The following CRIM1 variants were observed in gnomAD, a reference collection of about 807,000 sequenced individuals.
The protein encoded by CRIM1 is cysteine rich transmembrane BMP regulator 1.
In CRIM1, 32 loss-of-function variants were observed where a neutral mutation model predicts 116.4. That is an observed-to-expected ratio of 0.27 (90% confidence interval 0.21 to 0.37). The LOEUF is 0.37. Ranked by LOEUF, CRIM1 falls within the 10% of genes least tolerant of loss-of-function variation. The pLI is 1.00. For synonymous variants in CRIM1, 590 were observed against 509.2 expected (o/e 1.16, Z -2.13); for missense variants, 1,331 against 1,354.8 (o/e 0.98, Z 0.28).
At chr2:36,475,000 G>A (rs1261686509) in intron 5 of CRIM1, among the ~76,000 whole-genome samples, 2 of 152,100 alleles carry the variant, frequency 1.3e-5, no homozygotes, top group Non-Finnish European at 2.9e-5. Flanking sequence ...GATTACTATA[G>A]CATTGTATTA....
At chr2:36,528,061 C>CAT (rs1572934911) in intron 13 of CRIM1, among the ~76,000 whole-genome samples, 2 of 152,028 alleles carry the variant, frequency 1.3e-5, no homozygotes, top group East Asian at 1.9e-4. Context: ...TATTAAATGA[C>CAT]ATAATGTACA....
chr2:36,484,502 C>T (rs1052531157), intron 7 of CRIM1, among the ~76,000 whole-genome samples: 4 of 152,048 alleles, frequency 2.6e-5, no homozygotes, highest in Admixed American at 1.3e-4. Flanking sequence ...ATAACATCCC[C>T]GTGATTACTC....
chr2:36,376,768 T>C (rs1430547087), intron 1 of CRIM1, among the ~76,000 whole-genome samples: 3 of 152,214 alleles, frequency 2.0e-5, no homozygotes, highest in Admixed American at 6.5e-5. Context: ...CCCTTTCTTT[T>C]GGTATTTGTA....
At chr2:36,379,605 G>T (rs904177756) in intron 1 of CRIM1, among the ~76,000 whole-genome samples, 1 of 152,152 alleles carries the variant, frequency 6.6e-6, no homozygotes, top group Non-Finnish European at 1.5e-5. Flanking sequence ...TGTACTTGGG[G>T]TCCAAACTCT....
At position 36,548,540 on chromosome 2, in the gene CRIM1, A is replaced by T; in HGVS notation, c.2950A>T (p.Asn984Tyr). 1 of 1,571,962 alleles carries T rather than the reference A, an allele frequency of 6.4e-7. No homozygotes were observed. The highest frequency in any genetic ancestry group is 8.6e-7 in the Non-Finnish European group (1 of 1,166,364). The change falls in exon 17 of 17, where the codon AAT becomes TAT. Residue 984 changes from asparagine to tyrosine, a missense_variant. This residue lies in a region of CRIM1 where 283 missense variants were observed against 242.8 expected (regional missense o/e 1.17). Transcript: ENST00000280527. ...RTPTKPSSLN[N>Y]QLVSVDCKKG... The stretch of plus-strand genomic sequence containing the variant: ...CATTAAATAGCCTTCTTCCTTAAAT[A>T]ATCAGCTAGTATCTGTGGACTGCAA...
chr2:36,538,914 G>A (rs1666748581), intron 14 of CRIM1, among the ~76,000 whole-genome samples: 2 of 152,190 alleles, frequency 1.3e-5, no homozygotes, highest in Non-Finnish European at 1.5e-5. Flanking sequence ...TGCTTTTAAT[G>A]ATATAAATGA....
rs1034618558 is a variant in CRIM1 at position 36,434,604 on chromosome 2, A to G, written c.506-6654A>G. ...TACAAAGGCGTGTGAGAATGAGTAG[A>G]GGCGTGCCCCACACGTAGGAGATGC... On this transcript the variant is annotated intron_variant, in intron 2 of 16. Transcript: ENST00000280527. Among the ~76,000 whole-genome samples the G allele has an allele frequency of 2.6e-5, 4 of 152,350 alleles. 1 individual carries two copies. The highest frequency in any genetic ancestry group is 2.6e-4 in the Admixed American group (4 of 15,306).
Position 36,547,007 on chromosome 2 carries a change from T to A in CRIM1, c.2770T>A (p.Tyr924Asn). 6.2e-7 allele frequency: 1 copy of A among 1,610,310 alleles called. No homozygotes were observed. Among genetic ancestry groups the A allele is most frequent in the Non-Finnish European group, 8.5e-7 (1 of 1,177,634 alleles). Residue 924 changes from tyrosine (Y) to asparagine (N), a missense_variant, in exon 16 of 17, where the codon TAC (tyrosine) becomes AAC (asparagine). Tyr to Asn is a moderately radical substitution (Grantham distance 143). This residue lies in a region of CRIM1 where 283 missense variants were observed against 242.8 expected (regional missense o/e 1.17). Coordinates refer to ENST00000280527, the MANE Select transcript of CRIM1 (RefSeq NM_016441.3). ...PRDMGHLQVDYRDNRLHPSED... is the reference protein window; with the variant it reads ...PRDMGHLQVDNRDNRLHPSED... ...AGATATGGGTCACCTCCAGGTAGAT[T>A]ACAGAGATAACAGGCTGCACCCAAG...
intron 12 of CRIM1, among the ~76,000 whole-genome samples, chr2:36,521,877 T>G (rs567805948): frequency 2.6e-5 from 4 of 152,350 alleles, no homozygotes; most frequent in African/African-American, 9.6e-5. Flanking sequence ...TATAAACAAC[T>G]AACAGAATAA....
intron 2 of CRIM1, among the ~76,000 whole-genome samples, chr2:36,402,770 T>C (rs906475450): frequency 6.0e-5 from 9 of 150,922 alleles, no homozygotes; most frequent in African/African-American, 1.5e-4. Context: ...GTTGTTAATA[T>C]GGATGTTGAG....
chr2:36,400,570 G>A lies in CRIM1; in HGVS notation c.505+3783G>A, dbSNP rs143038375. On this transcript the variant is annotated intron_variant, in intron 2 of 16. Transcript: ENST00000280527. ...GAAAAGGAAGAATGATCTTTAAGTA[G>A]CAGTGAGAACAAAGAGGATACCTAT... Among the ~76,000 whole-genome samples, 9 of 152,266 alleles carry A rather than the reference G, an allele frequency of 5.9e-5. No homozygotes were observed. The East Asian group carries it at 1.7e-3, about 29-fold the overall frequency.
chr2:36,548,491 T>G (rs1439846557), intron 16 of CRIM1, 34 bp from the exon 17 acceptor site: 1 of 1,499,586 alleles, frequency 6.7e-7, no homozygotes, highest in East Asian at 2.3e-5. Context: ...AGCAACTAAT[T>G]TTTTGTGGTT....
At chr2:36,411,615 A>G (rs998703247) in intron 2 of CRIM1, among the ~76,000 whole-genome samples, 9 of 151,970 alleles carry the variant, frequency 5.9e-5, no homozygotes, top group African/African-American at 2.2e-4. Context: ...TATCATAGGT[A>G]ATATGTGGAA....
In CRIM1 at chr2:36,480,078, G is replaced by A. The variant is rs145962424; in HGVS notation, c.1372+384G>A. ...TTGTGATGCTTCCATATGCCCAAGC[G>A]TCCTGGCAACTAGAAGAAAAGACTG... On this transcript the variant is annotated intron_variant, in intron 7 of 16. Transcript: ENST00000280527. 1.5e-3 allele frequency among the ~76,000 whole-genome samples: 236 copies of A among 152,264 alleles called. 1 individual carries two copies. Among genetic ancestry groups the A allele is most frequent in the Non-Finnish European group, 1.2e-3 (85 of 68,018 alleles).
intron 2 of CRIM1, among the ~76,000 whole-genome samples, chr2:36,439,646 G>A (rs1675623485): frequency 1.3e-5 from 2 of 152,002 alleles, no homozygotes; most frequent in Admixed American, 6.6e-5. Flanking sequence ...AAGTATCTCC[G>A]TGGCTCGTCC....
At chr2:36,499,135 A>G (rs1004097024) in intron 7 of CRIM1, 84 bp from the exon 8 acceptor site, 9 of 1,013,418 alleles carry the variant, frequency 8.9e-6, no homozygotes, top group South Asian at 1.5e-5. Context: ...TTGTAACATT[A>G]TGGTGTGGAA....
chr2:36,416,840 G>C (rs1673658754), intron 2 of CRIM1, among the ~76,000 whole-genome samples: 1 of 152,226 alleles, frequency 6.6e-6, no homozygotes, highest in Non-Finnish European at 1.5e-5. Context: ...ATTAATGGGA[G>C]AATCTGTTCT....
intron 11 of CRIM1, among the ~76,000 whole-genome samples, chr2:36,515,515 T>A (rs1664982931): frequency 6.6e-6 from 1 of 152,224 alleles, no homozygotes; most frequent in Admixed American, 6.5e-5. Flanking sequence ...ATTCACGGAC[T>A]CCTACTTTAA....
chr2:36,379,795 A>G (rs1256595087), intron 1 of CRIM1, among the ~76,000 whole-genome samples: 3 of 137,754 alleles, frequency 2.2e-5, no homozygotes, highest in Non-Finnish European at 4.6e-5. Flanking sequence ...AATGAGATGA[A>G]TCTATATCAG....
Sources: allele counts gnomAD v4.1 joint callset (sites outside exome capture counted in the v4.1 genomes callset), GRCh38; gene constraint gnomAD v4.1.1; regional missense constraint gnomAD v4.1.1; transcripts MANE v1.5; gene names NCBI Gene and HGNC (gene_info 2026-07-23, HGNC 2026-07-21).